HDC: variants seen among roughly 807,000 people sequenced by gnomAD.
HDC encodes histidine decarboxylase.
HDC carries 27 observed loss-of-function variants against 64.4 expected under a neutral mutation model. That is an observed-to-expected ratio of 0.42 (90% CI 0.31 to 0.58). The LOEUF is 0.58. HDC is among the 20% of genes least tolerant of loss of function. The pLI is 0.16. For synonymous variants in HDC, 305 were observed against 314.2 expected (o/e 0.97, Z 0.31); for missense variants, 711 against 833.9 (o/e 0.85, Z 1.81).
At chr15:50,261,217 C>T (rs2045698738) in intron 2 of HDC, among the ~76,000 whole-genome samples, 1 of 152,150 alleles carries the variant, frequency 6.6e-6, no homozygotes, top group South Asian at 2.1e-4. Context: ...GACCTCTTTC[C>T]AGAAATGAGC....
chr15:50,259,360 G>A (rs547232970), intron 2 of HDC, among the ~76,000 whole-genome samples: 7 of 152,236 alleles, frequency 4.6e-5, no homozygotes, highest in Non-Finnish European at 7.4e-5. Context: ...GAAAGGAGAC[G>A]GTAGAGAGGA....
At chr15:50,252,961 C>T in intron 7 of HDC, 187 bp from the exon 8 acceptor site, 5 of 630,494 alleles carry the variant, frequency 7.9e-6, no homozygotes, top group Non-Finnish European at 1.4e-5. Context: ...GCATCATTAC[C>T]TCCGAATGGG....
chr15:50,254,416 G>T, intron 5 of HDC, 114 bp downstream of exon 5: 1 of 1,531,740 alleles, frequency 6.5e-7, no homozygotes, highest in Non-Finnish European at 9.0e-7. Context: ...AAGCTCCCAT[G>T]TCTGAGCTGC....
intron 2 of HDC, among the ~76,000 whole-genome samples, chr15:50,259,117 G>T (rs531190621): frequency 1.3e-5 from 2 of 151,606 alleles, no homozygotes; most frequent in African/African-American, 4.8e-5. Context: ...AGCCAAGATC[G>T]CTCCACTGCA....
Position 50,242,445 on chromosome 15 carries a change from C to A in HDC, c.1804G>T (p.Ala602Ser). The change falls in exon 12 of 12, where the codon GCC (alanine) becomes TCC (serine). Residue 602 changes from alanine to serine, a missense_variant. Physicochemically the swap from Ala to Ser is moderately conservative, Grantham distance 99. Coordinates refer to ENST00000267845, the MANE Select transcript of HDC (RefSeq NM_002112.4). ...VSAQKPLPTE[A>S]SVKNGGSSRV... ...GAGGAGCCCCCATTCTTCACAGAGGCCTCTGTGGGCAGTGGCTTCTGAGCA... is the reference window on the plus strand; with the variant it reads ...GAGGAGCCCCCATTCTTCACAGAGGACTCTGTGGGCAGTGGCTTCTGAGCA... 1 of 1,614,176 alleles carries A rather than the reference C, an allele frequency of 6.2e-7. No individual in the cohort carries two copies. Among genetic ancestry groups the A allele is most frequent in the South Asian group, 1.1e-5 (1 of 91,082 alleles).
chr15:50,242,795 G>A lies in HDC; in HGVS notation c.1454C>T (p.Pro485Leu). The change falls in exon 12 of 12, where the codon CCT (proline) becomes CTT (leucine). Residue 485 changes from proline (P) to leucine (L), a missense_variant. Transcript: ENST00000267845. ...TTGGGAGATGAGGTTCCCAACCCGAGGGCTGGGTTGGGAAGTACAGTGCTG... is the reference window on the plus strand; with the variant it reads ...TTGGGAGATGAGGTTCCCAACCCGAAGGCTGGGTTGGGAAGTACAGTGCTG... ...LSQHCTSQPS[P>L]RVGNLISQIR... is the part of the protein sequence containing the mutation. 3.1e-6 allele frequency: 5 copies of A among 1,614,012 alleles called. No individual in the cohort carries two copies. The highest frequency in any genetic ancestry group is 1.1e-5 in the South Asian group (1 of 91,080).
rs1384771347 is a variant in HDC, at chr15:50,252,633, T to C, written c.929A>G (p.His310Arg). 1 of 1,614,134 alleles carries C rather than the reference T, an allele frequency of 6.2e-7. No homozygotes were observed. ...TFNPSKWMMV[H>R]FDCTGFWVKD... ...TCACCAGAACCCAGTACAGTCAAAATGCACCATCATCCACTTGGAAGGATT... is the reference window on the plus strand; with the variant it reads ...TCACCAGAACCCAGTACAGTCAAAACGCACCATCATCCACTTGGAAGGATT... The change falls in exon 8 of 12, where the codon CAT becomes CGT. Residue 310 changes from histidine (H) to arginine (R), a missense_variant. His to Arg is a conservative substitution (Grantham distance 29). This residue lies in a region of HDC where 483 missense variants were observed against 540.9 expected (regional missense o/e 0.89). Coordinates refer to ENST00000267845, the MANE Select transcript of HDC (RefSeq NM_002112.4).
chr15:50,252,144 T>A (rs2045565040), intron 9 of HDC, among the ~76,000 whole-genome samples: 1 of 152,136 alleles, frequency 6.6e-6, no homozygotes, highest in African/African-American at 2.4e-5. Flanking sequence ...CCACCTGTGG[T>A]AGGAAGAGCA....
intron 7 of HDC, 69 bp downstream of exon 7, chr15:50,253,531 G>T: frequency 7.3e-7 from 1 of 1,366,238 alleles, no homozygotes; most frequent in Non-Finnish European, 1.0e-6. Context: ...GCTGGTTTCA[G>T]GTCCTTGCTT....
chr15:50,253,961 A>T (rs1329222745), intron 6 of HDC, 169 bp downstream of exon 6: 13 of 737,884 alleles, frequency 1.8e-5, no homozygotes, highest in Non-Finnish European at 2.8e-5. Context: ...TGACCCACAA[A>T]ATTTATTCCA....
chr15:50,245,926 A>T (rs940544448), intron 10 of HDC, among the ~76,000 whole-genome samples: 1 of 152,046 alleles, frequency 6.6e-6, no homozygotes, highest in Admixed American at 6.5e-5. Context: ...AAGGCAGACA[A>T]ATATAGAAAG....
At chr15:50,265,371 G>T (rs898193010) in intron 1 of HDC, among the ~76,000 whole-genome samples, 3 of 152,134 alleles carry the variant, frequency 2.0e-5, no homozygotes, top group African/African-American at 7.2e-5. Flanking sequence ...ACATATGTGA[G>T]AGTGGGTATA....
chr15:50,247,515 G>A (rs2045497662), intron 10 of HDC, among the ~76,000 whole-genome samples: 1 of 152,190 alleles, frequency 6.6e-6, no homozygotes, highest in South Asian at 2.1e-4. Context: ...CACATAGGCA[G>A]AAAGGACAGT....
intron 2 of HDC, among the ~76,000 whole-genome samples, chr15:50,258,934 G>A (rs1275968504): frequency 2.0e-5 from 3 of 152,056 alleles, no homozygotes; most frequent in Non-Finnish European, 2.9e-5. Context: ...GCCGAGGCAG[G>A]TGGATCACGA....
At chr15:50,261,787 G>A (rs184719517) in intron 2 of HDC, among the ~76,000 whole-genome samples, 3 of 150,614 alleles carry the variant, frequency 2.0e-5, no homozygotes, top group East Asian at 3.9e-4. Context: ...TCAGCTCACC[G>A]CAACCTCCGC....
intron 7 of HDC, 188 bp downstream of exon 7, chr15:50,253,412 C>T: frequency 3.0e-6 from 2 of 672,072 alleles, no homozygotes; most frequent in Non-Finnish European, 5.4e-6. Context: ...CTTGTCACAC[C>T]ACTGGGAAAG....
chr15:50,253,750 G>T, intron 6 of HDC, 84 bp from the exon 7 acceptor site: 1 of 1,023,918 alleles, frequency 9.8e-7, no homozygotes, highest in Non-Finnish European at 1.5e-6. Context: ...CCACAGACGT[G>T]ATCTACTCCC....
rs2045420974 is a variant in HDC, at chr15:50,242,901, C to T, written c.1348G>A (p.Val450Met). ...TCCCTAGTGGTAAACTGGGATGTCA[C>T]AGTGAAACGGATGATTAACTTGTCC... ...IQDKLIIRFT[V>M]TSQFTTRDDI... Residue 450 changes from valine to methionine, a missense_variant, in exon 12 of 12, where the codon GTG becomes ATG. Physicochemically the swap from Val to Met is conservative, Grantham distance 21. Coordinates refer to ENST00000267845, the MANE Select transcript of HDC (RefSeq NM_002112.4). The T allele has an allele frequency of 3.7e-6, 6 of 1,614,152 alleles. No individual in the cohort carries two copies. In the East Asian group the frequency reaches 1.3e-4, roughly 36 times the overall value.
chr15:50,258,520 G>A lies in HDC; in HGVS notation c.205-3C>T. On this transcript the variant is annotated splice_region_variant and splice_polypyrimidine_tract_variant and intron_variant, in intron 2 of 11. Transcript: ENST00000267845. ...TGGGGGCTCTGCCAATGTACCACCT[G>A]GAGGCAGAGCATGCACAGAGTTGGC... 6.3e-7 allele frequency: 1 copy of A among 1,578,708 alleles called. No individual in the cohort carries two copies. The highest frequency in any genetic ancestry group is 8.7e-7 in the Non-Finnish European group (1 of 1,147,992).
Sources: gnomAD v4.1 joint callset for allele counts (sites outside exome capture counted in the v4.1 genomes callset) on GRCh38, gnomAD v4.1.1 for gene constraint, gnomAD v4.1.1 regional missense constraint, MANE v1.5 for transcripts, NCBI Gene and HGNC (gene_info 2026-07-23, HGNC 2026-07-21) for gene names.